The following DHX38 variants were observed in gnomAD, a reference collection of about 807,000 sequenced individuals.
DHX38 encodes pre-mRNA-splicing factor ATP-dependent RNA helicase PRP16.
Under a neutral mutation model 153.1 loss-of-function variants are expected in DHX38, and 100 were observed. The observed-to-expected ratio is 0.65, with a 90% CI of 0.56 to 0.77. The LOEUF is 0.77. Ranked by LOEUF, DHX38 falls within the 30% of genes least tolerant of loss-of-function variation. The probability of loss-of-function intolerance (pLI) is 0.00; values close to 1 mark genes in which losing one functional copy is unlikely to be tolerated. For missense variants in DHX38, 1,440 were observed against 1,654.0 expected (o/e 0.87, Z 2.24); for synonymous variants, 650 against 631.7 (o/e 1.03, Z -0.43).
At chr16:72,097,638 T>C (rs770376548) in intron 3 of DHX38, 39 bp from the exon 4 acceptor site, 6 of 1,590,006 alleles carry the variant, frequency 3.8e-6, no homozygotes, top group Non-Finnish European at 5.2e-6. Context: ...TACCTTAGGA[T>C]GGGATGCATG....
intron 7 of DHX38, 77 bp from the exon 8 acceptor site, chr16:72,099,655 C>G: frequency 6.4e-7 from 1 of 1,572,030 alleles, no homozygotes; most frequent in Non-Finnish European, 8.7e-7. Context: ...TACCAAGCGT[C>G]CCTTCTTCTG....
chr16:72,108,443 CCCT>C (rs778756348), intron 22 of DHX38, 27 bp from the exon 23 acceptor site: 4 of 1,613,594 alleles, frequency 2.5e-6, no homozygotes, highest in Non-Finnish European at 3.4e-6. Flanking sequence ...AAGGAGGGCT[CCCT>C]CCTGGTGCCT....
Position 72,108,590 on chromosome 16 carries a change from C to G in DHX38, c.3238C>G (p.Gln1080Glu). 1.9e-6 allele frequency: 3 copies of G among 1,613,942 alleles called. No homozygotes were observed. The highest frequency in any genetic ancestry group is 2.5e-6 in the Non-Finnish European group (3 of 1,179,930). The change falls in exon 23 of 27, where the codon CAA (glutamine) becomes GAA (glutamate). Residue 1080 changes from glutamine (Q) to glutamate (E), a missense_variant. Physicochemically the swap from Gln to Glu is conservative, Grantham distance 29. This residue lies in a region of DHX38 where 543 missense variants were observed against 717.9 expected (regional missense o/e 0.76). Transcript: ENST00000268482. ...RKCICAAYFHQAAKLKGIGEY... is the reference protein window; with the variant it reads ...RKCICAAYFHEAAKLKGIGEY... Reference sequence around the variant, plus strand: ...GTGCATCTGTGCTGCCTATTTCCACCAAGCAGCCAAGCTCAAGGTGAACCC... The same window carrying G: ...GTGCATCTGTGCTGCCTATTTCCACGAAGCAGCCAAGCTCAAGGTGAACCC...
Position 72,103,757 on chromosome 16 carries a change from G to A in DHX38, c.1793G>A (p.Ser598Asn), listed in dbSNP as rs1048763811. The A allele has an allele frequency of 2.5e-6, 4 of 1,613,412 alleles. 1 individual carries two copies. In the South Asian group the frequency reaches 3.3e-5, roughly 13 times the overall value. Reference protein sequence around the residue: ...VAAMSVAKRVSEEMGGNLGEE... With the variant: ...VAAMSVAKRVNEEMGGNLGEE... ...GCCATGTCAGTGGCCAAGAGAGTCA[G>A]TGAAGAGATGGGGGGAAACCTTGGC... Residue 598 changes from serine (S) to asparagine (N), a missense_variant, in exon 13 of 27, where the codon AGT becomes AAT. Ser to Asn is a conservative substitution (Grantham distance 46). Around this residue, in one of 6 missense-constraint regions of DHX38, gnomAD observed 241 missense variants for 229.5 expected, o/e 1.05. Transcript: ENST00000268482.
At chr16:72,095,894 GGTGTGTGTGTGTGT>G (rs67109934) in intron 1 of DHX38, among the ~76,000 whole-genome samples, 1 of 147,168 alleles carries the variant, frequency 6.8e-6, no homozygotes, top group Non-Finnish European at 1.5e-5. Flanking sequence ...GAATGTATGG[GGTGTGTGTGTGTGT>G]GTGTGTGTGT....
chr16:72,102,974 G>C, intron 11 of DHX38, 100 bp from the exon 12 acceptor site: 1 of 1,510,722 alleles, frequency 6.6e-7, no homozygotes, highest in Non-Finnish European at 8.9e-7. Flanking sequence ...GACTCTTGCC[G>C]AAGTCCTCAT....
In DHX38 at chr16:72,105,108, A is replaced by G; in HGVS notation, c.2233A>G (p.Ile745Val). 1.2e-6 allele frequency: 2 copies of G among 1,614,182 alleles called. No homozygotes were observed. Among genetic ancestry groups the G allele is most frequent in the South Asian group, 1.1e-5 (1 of 91,074 alleles). The stretch of plus-strand genomic sequence containing the variant: ...GTCGGGGGCCCCTGGAGACATCCTT[A>G]TCTTCATGCCTGGCCAAGAGGACAT... The part of the protein sequence containing the change: ...HLSGAPGDIL[I>V]FMPGQEDIEV... The change falls in exon 16 of 27, where the codon ATC (isoleucine) becomes GTC (valine). Residue 745 changes from isoleucine (I) to valine (V), a missense_variant. This residue lies in a region of DHX38 where 543 missense variants were observed against 717.9 expected (regional missense o/e 0.76). Transcript: ENST00000268482.
chr16:72,108,367 T>C lies in DHX38; in HGVS notation c.3105T>C (p.Ala1035=). 1 of 1,614,184 alleles carries C rather than the reference T, an allele frequency of 6.2e-7. No individual in the cohort carries two copies. Among genetic ancestry groups the C allele is most frequent in the East Asian group, 2.2e-5 (1 of 44,882 alleles). ...TIWCNDHFIH[A]KAMRKVREVR... Reference sequence around the variant, plus strand: ...GGTGTAACGATCATTTCATCCATGCTAAGGCCATGCGGAAGGTAGAGTGGT... The same window carrying C: ...GGTGTAACGATCATTTCATCCATGCCAAGGCCATGCGGAAGGTAGAGTGGT... The change falls in exon 22 of 27, where the codon GCT becomes GCC. Residue 1035 remains alanine, a synonymous_variant. Transcript: ENST00000268482.
chr16:72,098,542 T>C lies in DHX38; in HGVS notation c.617-103T>C, dbSNP rs1597439533. 3.5e-6 allele frequency: 5 copies of C among 1,438,188 alleles called. No individual in the cohort carries two copies. In the East Asian group the frequency reaches 1.2e-4, roughly 33 times the overall value. The allele number at this position is 1,438,188 out of a possible 1,614,324, so 89.1% of individuals were successfully genotyped here. The stretch of plus-strand genomic sequence containing the variant: ...TATAGATACATGCAAGGTTTAGAAA[T>C]AGTAAAAGGAGTAAATTTGGGGAAT... On this transcript the variant is annotated intron_variant, in intron 4 of 26. Coordinates refer to ENST00000268482, the MANE Select transcript of DHX38 (RefSeq NM_014003.4).
intron 21 of DHX38, among the ~76,000 whole-genome samples, 170 bp from the exon 22 acceptor site, chr16:72,108,057 G>C (rs1045303133): frequency 2.0e-5 from 3 of 152,164 alleles, no homozygotes; most frequent in Non-Finnish European, 4.4e-5. Flanking sequence ...TCATGTTTTA[G>C]AGTAGACCTT....
intron 21 of DHX38, among the ~76,000 whole-genome samples, 197 bp from the exon 22 acceptor site, chr16:72,108,030 T>C (rs552525645): frequency 6.6e-6 from 1 of 152,228 alleles, no homozygotes; most frequent in Non-Finnish European, 1.5e-5. Flanking sequence ...TCTTCTAGTA[T>C]GGTTGCTCTT....
chr16:72,106,256 G>A, intron 19 of DHX38, 139 bp downstream of exon 19: 1 of 747,206 alleles, frequency 1.3e-6, no homozygotes, highest in South Asian at 1.7e-5. Context: ...CCACTTGTTA[G>A]TCCTTTCATC....
Position 72,101,594 on chromosome 16 carries a change from A to G in DHX38, c.1481A>G (p.Asp494Gly). ...EEEPDKAVTE[D>G]GKVDYRTEQK... The stretch of plus-strand genomic sequence containing the variant: ...GAGCCAGATAAAGCTGTGACGGAGG[A>G]TGGGAAGGTGGACTACAGGTGGGCA... Residue 494 changes from aspartate to glycine, a missense_variant, in exon 11 of 27, where the codon GAT (aspartate) becomes GGT (glycine). By Grantham distance (94) the Asp-to-Gly change is moderately conservative. Coordinates refer to ENST00000268482, the MANE Select transcript of DHX38 (RefSeq NM_014003.4). 6.4e-7 allele frequency: 1 copy of G among 1,551,732 alleles called. No homozygotes were observed. The highest frequency in any genetic ancestry group is 8.7e-7 in the Non-Finnish European group (1 of 1,147,060).
At chr16:72,095,894 GGT>G (rs67109934) in intron 1 of DHX38, among the ~76,000 whole-genome samples, 10,560 of 146,878 alleles carry the variant, frequency 0.072, 483 homozygotes, top group Middle Eastern at 0.11. Context: ...GAATGTATGG[GGT>G]GTGTGTGTGT....
At chr16:72,102,964 G>C (rs1180615220) in intron 11 of DHX38, 110 bp from the exon 12 acceptor site, 4 of 1,476,874 alleles carry the variant, frequency 2.7e-6, no homozygotes, top group Non-Finnish European at 2.8e-6. Context: ...TGGTGTCTCA[G>C]ACTCTTGCCG....
rs985443764 is a variant in DHX38 at position 72,103,608 on chromosome 16, C to T, written c.1644C>T (p.Asn548=). The T allele has an allele frequency of 1.2e-6, 2 of 1,607,894 alleles. No homozygotes were observed. The highest frequency in any genetic ancestry group is 2.7e-5 in the African/African-American group (2 of 74,950). The change falls in exon 13 of 27, where the codon AAC becomes AAT. Residue 548 remains asparagine (N), a synonymous_variant. Transcript: ENST00000268482. ...TGCCTGCTTGTCCTTGTAGAGACAA[C>T]AGCATCGTGATCGTGGTTGGGGAGA... ...QQELLTIIRD[N]SIVIVVGETG...
At chr16:72,099,955 T>C in intron 8 of DHX38, 68 bp downstream of exon 8, 2 of 1,535,348 alleles carry the variant, frequency 1.3e-6, no homozygotes, top group Non-Finnish European at 1.8e-6. Context: ...AAGCAGCAGG[T>C]TATCCCCAAG....
intron 26 of DHX38, 98 bp from the exon 27 acceptor site, chr16:72,112,315 G>A (rs2042267068): frequency 8.2e-7 from 1 of 1,212,762 alleles, no homozygotes; most frequent in African/African-American, 1.5e-5. Context: ...TCCCCACCAT[G>A]GGTTAGGAAC....
Position 72,098,783 on chromosome 16 carries a change from A to G in DHX38, c.755A>G (p.Asp252Gly), listed in dbSNP as rs770959997. The change falls in exon 5 of 27, where the codon GAT becomes GGT. Residue 252 changes from aspartate to glycine, a missense_variant. Around this residue, in one of 6 missense-constraint regions of DHX38, gnomAD observed 483 missense variants for 465.1 expected, o/e 1.04. Coordinates refer to ENST00000268482, the MANE Select transcript of DHX38 (RefSeq NM_014003.4). ...CGGAGCCATCGGCTGTCCACTCGAG[A>G]TCGAGACAGGTGATGTTCTGGGCAG... ...SERSHRLSTR[D>G]RDRSVRGKYS... 1 of 1,614,092 alleles carries G rather than the reference A, an allele frequency of 6.2e-7. No homozygotes were observed. Among genetic ancestry groups the G allele is most frequent in the Non-Finnish European group, 8.5e-7 (1 of 1,179,982 alleles).
Sources: gnomAD v4.1 joint callset for allele counts (sites outside exome capture counted in the v4.1 genomes callset) on GRCh38, gnomAD v4.1.1 for gene constraint, gnomAD v4.1.1 regional missense constraint, MANE v1.5 for transcripts, NCBI Gene and HGNC (gene_info 2026-07-23, HGNC 2026-07-21) for gene names.